The following CFAP61 variants were observed in gnomAD, a reference collection of about 807,000 sequenced individuals.
CFAP61 encodes the protein cilia and flagella associated protein 61, also known as cilia- and flagella-associated protein 61.
A neutral mutation model predicts 135.6 loss-of-function variants in CFAP61; 107 were observed. That is an observed-to-expected ratio of 0.79 (90% CI 0.67 to 0.93). The LOEUF is 0.93. CFAP61 is among the 40% of genes least tolerant of loss of function. The pLI is 0.00. For synonymous variants in CFAP61, 575 were observed against 578.5 expected, an observed-to-expected ratio of 0.99 and a Z score of 0.09; for missense variants, 1,507 against 1,556.2, an observed-to-expected ratio of 0.97 and a Z score of 0.53.
chr20:20,208,832 C>T (rs1194154131), intron 17 of CFAP61, among the ~76,000 whole-genome samples: 1 of 152,202 alleles, frequency 6.6e-6, no homozygotes, highest in African/African-American at 2.4e-5. Context: ...CCAGCACATC[C>T]ATCCACTGTG....
chr20:20,293,541 C>A (rs1241571350), intron 24 of CFAP61, among the ~76,000 whole-genome samples: 2 of 152,084 alleles, frequency 1.3e-5, no homozygotes, highest in African/African-American at 2.4e-5. Context: ...CTAAATATAG[C>A]CAATTGATCA....
chr20:20,144,720 A>G (rs1285137612), intron 9 of CFAP61, among the ~76,000 whole-genome samples: 1 of 152,156 alleles, frequency 6.6e-6, no homozygotes, highest in African/African-American at 2.4e-5. Context: ...AGAAAACTAT[A>G]CCAAAGCCAG....
At chr20:20,294,626 C>T (rs1488179194) in intron 24 of CFAP61, among the ~76,000 whole-genome samples, 4 of 152,126 alleles carry the variant, frequency 2.6e-5, no homozygotes, top group South Asian at 4.1e-4. Flanking sequence ...GCAGTCTTTA[C>T]GTTTAAAAAT....
intron 13 of CFAP61, among the ~76,000 whole-genome samples, chr20:20,181,221 G>GTA (rs1258864652): frequency 2.1e-5 from 3 of 145,892 alleles, no homozygotes; most frequent in East Asian, 3.9e-4. Context: ...ATACATATGT[G>GTA]TATATATATA....
chr20:20,358,162 GGTGGTCACACTGAGGGGAA>G lies in CFAP61; in HGVS notation c.3514-2028_3514-2010del, dbSNP rs1408596203. On this transcript the variant is annotated intron_variant, in intron 26 of 26. Coordinates refer to ENST00000245957, the MANE Select transcript of CFAP61 (RefSeq NM_015585.4). ...AGAGGAGGTGGTCACACTGAGGGGA[GGTGGTCACACTGAGGGGAA>G]GTGGTCACACTGAGGGGAATGGTCA... is the stretch of plus-strand genomic sequence containing the variant. 9.3e-3 allele frequency among the ~76,000 whole-genome samples: 1,324 copies of G among 142,842 alleles called. 22 individuals are homozygous for G. Among genetic ancestry groups the G allele is most frequent in the Non-Finnish European group, 0.014 (917 of 64,372 alleles). The allele number at this position is 142,842 out of a possible 152,430, so 93.7% of individuals were successfully genotyped here.
intron 26 of CFAP61, among the ~76,000 whole-genome samples, chr20:20,344,210 G>A (rs1311764095): frequency 1.3e-5 from 2 of 152,180 alleles, no homozygotes; most frequent in Non-Finnish European, 2.9e-5. Context: ...GCAGAACCGT[G>A]GCCAGCCGTC....
At position 20,359,293 on chromosome 20, in the gene CFAP61, G is replaced by A. The variant is rs2059386848; in HGVS notation, c.3514-917G>A. Among the ~76,000 whole-genome samples, 1 of 152,176 alleles carries A rather than the reference G, an allele frequency of 6.6e-6. No individual in the cohort carries two copies. Among genetic ancestry groups the A allele is most frequent in the Non-Finnish European group, 1.5e-5 (1 of 68,026 alleles). Reference sequence around the variant, plus strand: ...AAATCCCACTTCTTGGGAATTATAAGCAAGAAAACTTTTCATATAGGACCT... The same window carrying A: ...AAATCCCACTTCTTGGGAATTATAAACAAGAAAACTTTTCATATAGGACCT... On this transcript the variant is annotated intron_variant, in intron 26 of 26. Transcript: ENST00000245957. This position sits in a 1 kb window ranked among gnomAD's most constrained non-coding sequence, Gnocchi z 4.0.
At chr20:20,230,347 A>G (rs1394637891) in intron 18 of CFAP61, among the ~76,000 whole-genome samples, 3 of 152,296 alleles carry the variant, frequency 2.0e-5, no homozygotes, top group Middle Eastern at 3.4e-3. Flanking sequence ...TATTTTCTCT[A>G]ATTATTTTAA....
chr20:20,218,538 C>G (rs2146930963), intron 17 of CFAP61, among the ~76,000 whole-genome samples: 1 of 152,332 alleles, frequency 6.6e-6, no homozygotes, highest in East Asian at 1.9e-4. Flanking sequence ...GCCTAAACTA[C>G]TGACCTACAG....
chr20:20,360,506 A>G lies in CFAP61; in HGVS notation c.*96A>G, dbSNP rs960356602. 1 of 1,106,232 alleles carries G rather than the reference A, an allele frequency of 9.0e-7. No homozygotes were observed. The highest frequency in any genetic ancestry group is 1.3e-6 in the Non-Finnish European group (1 of 753,518). 68.5% of individuals were successfully genotyped at this position (1,106,232 alleles called of 1,614,324 possible). A position where few individuals can be genotyped will look rare whatever the true frequency, so the allele number is the denominator to read the frequency against. ...AAAGTTCTCTGCAGCCTGGTTTGAC[A>G]GCGAAGCCAGCCCCTGGTGGTTTTG... On this transcript the variant is annotated 3_prime_UTR_variant, in exon 27 of 27. Transcript: ENST00000245957.
chr20:20,277,685 T>G (rs1331564951), intron 22 of CFAP61, among the ~76,000 whole-genome samples: 1 of 152,226 alleles, frequency 6.6e-6, no homozygotes, highest in African/African-American at 2.4e-5. Context: ...TTTTTATTAT[T>G]ATTTTATTAT....
chr20:20,239,869 A>C (rs1327903), intron 18 of CFAP61, among the ~76,000 whole-genome samples: 10,346 of 152,270 alleles, frequency 0.068, 1,160 homozygotes, highest in East Asian at 0.53. Flanking sequence ...CTCAAGCCAG[A>C]GAGACAAACC....
intron 26 of CFAP61, among the ~76,000 whole-genome samples, chr20:20,349,017 T>C (rs1303081214): frequency 6.6e-6 from 1 of 152,108 alleles, no homozygotes; most frequent in Admixed American, 6.6e-5. Context: ...AAGAAAAAGA[T>C]ATAAAAGACA....
At chr20:20,257,467 T>C in intron 20 of CFAP61, among the ~76,000 whole-genome samples, 1 of 151,892 alleles carries the variant, frequency 6.6e-6, no homozygotes, top group East Asian at 1.9e-4. Flanking sequence ...ATACAAAAAT[T>C]AGCCAGGTGT....
chr20:20,355,066 GGTGGTCACACTGTGAGAGGGA>G (rs2059026501), intron 26 of CFAP61, among the ~76,000 whole-genome samples: 1 of 146,628 alleles, frequency 6.8e-6, no homozygotes, highest in Non-Finnish European at 1.5e-5. Context: ...TGAGAGGGAA[GGTGGTCACACTGTGAGAGGGA>G]AGGTGGTCAC....
intron 25 of CFAP61, among the ~76,000 whole-genome samples, chr20:20,321,394 T>A (rs1249581598): frequency 6.6e-6 from 1 of 152,182 alleles, no homozygotes; most frequent in Non-Finnish European, 1.5e-5. Context: ...GTAATCATAT[T>A]TATGTCAACA....
chr20:20,077,076 C>T (rs1354225476), intron 6 of CFAP61, among the ~76,000 whole-genome samples: 1 of 152,106 alleles, frequency 6.6e-6, no homozygotes, highest in Non-Finnish European at 1.5e-5. Flanking sequence ...AGTTAACTGT[C>T]ATGTTGGTAG....
intron 11 of CFAP61, among the ~76,000 whole-genome samples, chr20:20,164,771 A>G (rs1387159488): frequency 6.6e-6 from 1 of 152,208 alleles, no homozygotes. Context: ...CTGGTGATAA[A>G]GACATACTCA....
chr20:20,280,520 A>T (rs1051041018), intron 22 of CFAP61, among the ~76,000 whole-genome samples: 4 of 152,174 alleles, frequency 2.6e-5, no homozygotes, highest in Non-Finnish European at 4.4e-5. Context: ...AACCAGAATC[A>T]TACATTATAT....
Sources: gnomAD v4.1 joint callset for allele counts (sites outside exome capture counted in the v4.1 genomes callset) on GRCh38, gnomAD v4.1.1 for gene constraint, Gnocchi (gnomAD v3.1) non-coding constraint, MANE v1.5 for transcripts, NCBI Gene and HGNC (gene_info 2026-07-23, HGNC 2026-07-21) for gene names.